The following CKAP2 variants were observed in gnomAD, a reference collection of about 807,000 sequenced individuals.
The protein encoded by CKAP2 is cytoskeleton associated protein 2, also known as cytoskeleton-associated protein 2.
Under a neutral mutation model 58.4 loss-of-function variants are expected in CKAP2, and 46 were observed. The ratio of observed to expected loss-of-function variants is 0.79; its 90% CI spans 0.62 to 1.01. The LOEUF (loss-of-function observed/expected upper bound fraction) is 1.01. Among genes scored for constraint, CKAP2 ranks in the 50% least tolerant of loss-of-function variants. CKAP2 has a pLI of 0.00. For synonymous variants in CKAP2, 293 were observed against 280.9 expected (o/e 1.04, Z -0.43); for missense variants, 809 against 796.4 (o/e 1.02, Z -0.19).
Position 52,463,225 on chromosome 13 carries a change from A to G in CKAP2, c.1305+658A>G, listed in dbSNP as rs147913682. On this transcript the variant is annotated intron_variant, in intron 5 of 8. Transcript: ENST00000258607. ...AGTGCTGGGATTACAGGTGTGAGCC[A>G]CTGCGCTCGGCCTCATTCATGTTTT... 7.4e-3 allele frequency among the ~76,000 whole-genome samples: 1,125 copies of G among 152,366 alleles called. 6 individuals carry two copies. The highest frequency in any genetic ancestry group is 0.017 in the African/African-American group (703 of 41,586).
In CKAP2 at chr13:52,461,833, A is replaced by G. The variant is rs1339358791; in HGVS notation, c.1007A>G (p.Lys336Arg). The G allele has an allele frequency of 1.2e-6, 2 of 1,614,170 alleles. No homozygotes were observed. The highest frequency in any genetic ancestry group is 8.5e-7 in the Non-Finnish European group (1 of 1,179,998). Residue 336 changes from lysine (K) to arginine (R), a missense_variant, in exon 4 of 9, where the codon AAG (lysine) becomes AGG (arginine). Coordinates refer to ENST00000258607, the MANE Select transcript of CKAP2 (RefSeq NM_018204.5). ...ASLSNDKLME[K>R]SEPVDQRRHT... Reference sequence around the variant, plus strand: ...TTGTCTAATGATAAACTGATGGAAAAGTCAGAGCCCGTTGACCAGCGAAGA... The same window carrying G: ...TTGTCTAATGATAAACTGATGGAAAGGTCAGAGCCCGTTGACCAGCGAAGA...
At chr13:52,467,523 C>T (rs1340909460) in intron 6 of CKAP2, among the ~76,000 whole-genome samples, 1 of 152,060 alleles carries the variant, frequency 6.6e-6, no homozygotes, top group African/African-American at 2.4e-5. Context: ...GCCTGGCCAG[C>T]ATGGTGAAAC....
At chr13:52,466,819 G>T (rs1958684126) in intron 6 of CKAP2, among the ~76,000 whole-genome samples, 1 of 152,134 alleles carries the variant, frequency 6.6e-6, no homozygotes, top group South Asian at 2.1e-4. Context: ...TTAGTGGCCA[G>T]GCATGATGGT....
At chr13:52,462,622 C>A in intron 5 of CKAP2, 55 bp downstream of exon 5, 5 of 1,327,732 alleles carry the variant, frequency 3.8e-6, no homozygotes, top group Middle Eastern at 4.2e-4. Context: ...CCTTCATAAG[C>A]ATTATTTCAT....
chr13:52,469,215 G>A (rs1251782897), intron 7 of CKAP2, among the ~76,000 whole-genome samples: 3 of 152,148 alleles, frequency 2.0e-5, no homozygotes, highest in Admixed American at 2.0e-4. Flanking sequence ...AGATAAAGTG[G>A]CTTTATGTAG....
chr13:52,469,589 A>AT (rs200067668), intron 7 of CKAP2, among the ~76,000 whole-genome samples: 3,581 of 140,046 alleles, frequency 0.026, 107 homozygotes, highest in Middle Eastern at 0.048. Flanking sequence ...TTATTTATTT[A>AT]TTTATTTATT....
chr13:52,455,881 G>A, intron 1 of CKAP2: 1 of 1,010,184 alleles, frequency 9.9e-7, no homozygotes, highest in Non-Finnish European at 1.3e-6. Context: ...AATCCGTTAG[G>A]CGAGGGGAAA....
chr13:52,474,006 A>T lies in CKAP2; in HGVS notation c.1724A>T (p.Asp575Val). ...QDNKTKDPTH[D>V]VKTPNTETRT... ...AACAAAACAAAAGATCCAACCCATG[A>T]TGTTAAAACCCCCAATACAGAAACG... Residue 575 changes from aspartate (D) to valine (V), a missense_variant, in exon 8 of 9, where the codon GAT becomes GTT. Coordinates refer to ENST00000258607, the MANE Select transcript of CKAP2 (RefSeq NM_018204.5). The T allele has an allele frequency of 6.2e-7, 1 of 1,614,100 alleles. No homozygotes were observed. Among genetic ancestry groups the T allele is most frequent in the Non-Finnish European group, 8.5e-7 (1 of 1,179,962 alleles).
intron 7 of CKAP2, among the ~76,000 whole-genome samples, chr13:52,469,624 C>G (rs1344137749): frequency 1.4e-5 from 2 of 143,614 alleles, no homozygotes; most frequent in African/African-American, 5.1e-5. Flanking sequence ...GAGTCTCGCT[C>G]TGTCGCCCAG....
rs1414932433 is a variant in CKAP2, at chr13:52,475,869, T to G, written c.*728T>G. 1 of 152,246 alleles carries G rather than the reference T, an allele frequency of 6.6e-6. No individual in the cohort carries two copies. Among genetic ancestry groups the G allele is most frequent in the Admixed American group, 6.5e-5 (1 of 15,282 alleles). The allele number at this position is 152,246 out of a possible 1,614,324, so 9.4% of individuals were successfully genotyped here. On this transcript the variant is annotated 3_prime_UTR_variant, in exon 9 of 9. Coordinates refer to ENST00000258607, the MANE Select transcript of CKAP2 (RefSeq NM_018204.5). ...CTTTGTGTAAGAAAAGATGCCACAT[T>G]TAGTGGTTTAACTTTTGTAACTTCA...
intron 7 of CKAP2, among the ~76,000 whole-genome samples, chr13:52,469,200 C>T (rs1364469647): frequency 6.6e-6 from 1 of 151,976 alleles, no homozygotes; most frequent in Non-Finnish European, 1.5e-5. Flanking sequence ...GTTGACCTGC[C>T]TCTGAGATAA....
intron 7 of CKAP2, 130 bp downstream of exon 7, chr13:52,468,477 T>C: frequency 3.4e-6 from 2 of 588,912 alleles, no homozygotes; most frequent in Non-Finnish European, 6.0e-6. Flanking sequence ...TAAATGTGTG[T>C]CATGGGGGTT....
At position 52,461,581 on chromosome 13, in the gene CKAP2, T is replaced by C; in HGVS notation, c.755T>C (p.Val252Ala). The C allele has an allele frequency of 6.2e-7, 1 of 1,614,196 alleles. No homozygotes were observed. Among genetic ancestry groups the C allele is most frequent in the East Asian group, 2.2e-5 (1 of 44,882 alleles). ...ACTACATCTCAGAACACACAACTTG[T>C]GCGACCTCCTATTAGAAGTCATCAC... ...VSTTSQNTQL[V>A]RPPIRSHHSN... The change falls in exon 4 of 9, where the codon GTG becomes GCG. Residue 252 changes from valine to alanine, a missense_variant. Val to Ala is a moderately conservative substitution (Grantham distance 64). Transcript: ENST00000258607.
chr13:52,465,425 T>C lies in CKAP2; in HGVS notation c.1436T>C (p.Ile479Thr), dbSNP rs751076159. ...CCAATCACAAGTCCTATTGAAAATA[T>C]TATTGCAATCTATGAGAAAGCCATT... Reference protein sequence around the residue: ...IEPITSPIENIIAIYEKAILA... With the variant: ...IEPITSPIENTIAIYEKAILA... The change falls in exon 6 of 9, where the codon ATT (isoleucine) becomes ACT (threonine). Residue 479 changes from isoleucine (I) to threonine (T), a missense_variant. Physicochemically the swap from Ile to Thr is moderately conservative, Grantham distance 89. Transcript: ENST00000258607. 31 of 1,613,566 alleles carry C rather than the reference T, an allele frequency of 1.9e-5. No individual in the cohort carries two copies. The Admixed American group carries it at 2.5e-4, about 13-fold the overall frequency.
intron 4 of CKAP2, 23 bp downstream of exon 4, chr13:52,461,949 A>G (rs1376955536): frequency 6.5e-7 from 1 of 1,543,180 alleles, no homozygotes; most frequent in African/African-American, 1.4e-5. Context: ...AATTTTCTTT[A>G]TTACATTAGT....
intron 2 of CKAP2, among the ~76,000 whole-genome samples, chr13:52,457,945 A>C (rs1334765415): frequency 6.6e-6 from 1 of 152,250 alleles, no homozygotes; most frequent in South Asian, 2.1e-4. Flanking sequence ...AAATGGGATA[A>C]AAATTTTAAC....
chr13:52,455,657 GTGGCGGTGGCGGTGGCGGGCGC>G (rs1566095710), intron 1 of CKAP2, 31 bp downstream of exon 1: 3 of 1,409,194 alleles, frequency 2.1e-6, no homozygotes, highest in African/African-American at 1.5e-5. Flanking sequence ...GGCGGTGGCG[GTGGCGGTGGCGGTGGCGGGCGC>G]GGGCCCGGCG....
rs373047177 is a variant in CKAP2, at chr13:52,461,813, T to C, written c.987T>C (p.Ser329=). 2 of 1,614,120 alleles carry C rather than the reference T, an allele frequency of 1.2e-6. No individual in the cohort carries two copies. The highest frequency in any genetic ancestry group is 1.7e-6 in the Non-Finnish European group (2 of 1,179,972). Residue 329 remains serine, a synonymous_variant, in exon 4 of 9, where the codon TCT becomes TCC. Transcript: ENST00000258607. ...SEVIARPASL[S]NDKLMEKSEP... ...TTATAGCCAGGCCTGCTTCATTGTCTAATGATAAACTGATGGAAAAGTCAG... is the reference window on the plus strand; with the variant it reads ...TTATAGCCAGGCCTGCTTCATTGTCCAATGATAAACTGATGGAAAAGTCAG...
At chr13:52,455,937 C>T (rs1001026901) in intron 1 of CKAP2, 20 of 1,152,046 alleles carry the variant, frequency 1.7e-5, no homozygotes, top group Non-Finnish European at 2.0e-5. Context: ...CCTGGGTCCG[C>T]TTGGGGGCGG....
Sources: allele counts gnomAD v4.1 joint callset (sites outside exome capture counted in the v4.1 genomes callset), GRCh38; gene constraint gnomAD v4.1.1; transcripts MANE v1.5; gene names NCBI Gene and HGNC (gene_info 2026-07-23, HGNC 2026-07-21).